Variants in RORA observed in about 807,000 individuals in gnomAD.
RORA encodes the protein RAR related orphan receptor A.
In RORA, 7 loss-of-function variants were observed where a neutral mutation model predicts 69.5. The ratio of observed to expected loss-of-function variants is 0.10; its 90% CI spans 0.06 to 0.19. The LOEUF (loss-of-function observed/expected upper bound fraction) is 0.19. Ranked by LOEUF, RORA falls within the 10% of genes least tolerant of loss-of-function variation. RORA has a pLI of 1.00. For synonymous variants in RORA, 261 were observed against 240.8 expected (o/e 1.08, Z -0.78); for missense variants, 457 against 663.0 (o/e 0.69, Z 3.41).
chr15:60,665,542 A>G (rs908121887), intron 2 of RORA, among the ~76,000 whole-genome samples: 5 of 152,238 alleles, frequency 3.3e-5, no homozygotes, highest in Non-Finnish European at 5.9e-5. Flanking sequence ...TAAAGCTATC[A>G]GCCCTAAAAT....
intron 3 of RORA, among the ~76,000 whole-genome samples, chr15:60,521,013 AAAAC>A (rs1204792554): frequency 6.6e-6 from 1 of 152,156 alleles, no homozygotes; most frequent in African/African-American, 2.4e-5. Flanking sequence ...AAATTAGAAT[AAAAC>A]AAACAGGCCT....
intron 1 of RORA, among the ~76,000 whole-genome samples, chr15:60,687,954 AC>A (rs2070771600): frequency 1.3e-5 from 2 of 152,186 alleles, no homozygotes; most frequent in Admixed American, 6.5e-5. Context: ...TTTCCTCATC[AC>A]TAAAAGGAGA....
At chr15:60,497,663 T>G (rs1437050443) in intron 10 of RORA, 44 bp from the exon 11 acceptor site, 4 of 1,512,230 alleles carry the variant, frequency 2.6e-6, no homozygotes. Flanking sequence ...AGAACAGGCA[T>G]AAGCATCAAA....
intron 1 of RORA, among the ~76,000 whole-genome samples, chr15:60,717,353 G>C (rs908455696): frequency 6.6e-6 from 1 of 152,192 alleles, no homozygotes; most frequent in Non-Finnish European, 1.5e-5. Context: ...ACCCAGAACA[G>C]TGCCTTGTAC....
chr15:60,870,415 AC>A (rs1382491047), intron 1 of RORA, among the ~76,000 whole-genome samples: 1 of 152,212 alleles, frequency 6.6e-6, no homozygotes, highest in Non-Finnish European at 1.5e-5. Context: ...ACAGGTATCT[AC>A]CAGGTTGTAC....
At chr15:60,830,004 GAACA>G (rs1406381341) in intron 1 of RORA, among the ~76,000 whole-genome samples, 7 of 152,104 alleles carry the variant, frequency 4.6e-5, no homozygotes, top group Non-Finnish European at 8.8e-5. Flanking sequence ...ACAAATAAAT[GAACA>G]AACAACTTTA....
rs544519776 is a variant in RORA, at chr15:60,634,565, C to T, written c.196+44092G>A. ...GACTACAGGCGCCCGCCACCACGCCCGGCTAATTTTTGTGTTTTTAGTAGA... is the reference window on the plus strand; with the variant it reads ...GACTACAGGCGCCCGCCACCACGCCTGGCTAATTTTTGTGTTTTTAGTAGA... On this transcript the variant is annotated intron_variant, in intron 2 of 10. Coordinates refer to ENST00000335670, the MANE Select transcript of RORA (RefSeq NM_134261.3). Among the ~76,000 whole-genome samples the T allele has an allele frequency of 2.2e-4, 33 of 150,480 alleles. No individual in the cohort carries two copies. In the South Asian group the frequency reaches 2.5e-3, roughly 12 times the overall value.
rs1400017140 is a variant in RORA at position 60,823,048 on chromosome 15, CT to C, written c.167-144363del. ...TCCTTCCTTCCTTCCCTCTCTTTCT[CT>C]CTCCCTCCCCTCCCCTCCCTCCCTT... On this transcript the variant is annotated intron_variant, in intron 1 of 10. Coordinates refer to ENST00000335670, the MANE Select transcript of RORA (RefSeq NM_134261.3). Among the ~76,000 whole-genome samples, 3 of 145,418 alleles carry C rather than the reference CT, an allele frequency of 2.1e-5. No individual in the cohort carries two copies. The East Asian group carries it at 6.2e-4, about 30-fold the overall frequency.
chr15:60,698,065 T>C lies in RORA; in HGVS notation c.167-19379A>G, dbSNP rs113343785. ...GCTGGAAAAAACACTTCCGTGTCTG[T>C]AGTCGTGAAGTGATTCTGTATTTTA... On this transcript the variant is annotated intron_variant, in intron 1 of 10. Coordinates refer to ENST00000335670, the MANE Select transcript of RORA (RefSeq NM_134261.3). Among the ~76,000 whole-genome samples, 622 of 152,354 alleles carry C rather than the reference T, an allele frequency of 4.1e-3. 4 individuals are homozygous for C. Among genetic ancestry groups the C allele is most frequent in the African/African-American group, 0.014 (592 of 41,576 alleles).
intron 2 of RORA, among the ~76,000 whole-genome samples, chr15:60,589,581 A>G (rs1164000257): frequency 6.6e-6 from 1 of 152,344 alleles, no homozygotes; most frequent in East Asian, 1.9e-4. Context: ...TTTGCCCAAG[A>G]AGCAATCCAA....
intron 2 of RORA, among the ~76,000 whole-genome samples, chr15:60,579,635 T>C (rs2068133415): frequency 6.6e-6 from 1 of 152,208 alleles, no homozygotes; most frequent in African/African-American, 2.4e-5. Context: ...TATGACATGC[T>C]CAGTGCCCCC....
At chr15:61,190,121 C>T (rs1452413694) in intron 1 of RORA, among the ~76,000 whole-genome samples, 2 of 151,914 alleles carry the variant, frequency 1.3e-5, no homozygotes, top group Non-Finnish European at 2.9e-5. Context: ...CCTGGTGAGG[C>T]TAATTCTCAT....
intron 2 of RORA, among the ~76,000 whole-genome samples, chr15:60,581,252 G>A (rs2068184452): frequency 6.6e-6 from 1 of 152,200 alleles, no homozygotes; most frequent in Non-Finnish European, 1.5e-5. Context: ...AACAGCAGCA[G>A]GGGGCTTAGA....
chr15:61,021,905 T>A (rs1393694029), intron 1 of RORA, among the ~76,000 whole-genome samples: 2 of 152,162 alleles, frequency 1.3e-5, no homozygotes, highest in Admixed American at 1.3e-4. Context: ...GCACTGGGAT[T>A]TTGAGGGCGG....
At chr15:60,606,044 C>T (rs548586320) in intron 2 of RORA, among the ~76,000 whole-genome samples, 3 of 152,272 alleles carry the variant, frequency 2.0e-5, no homozygotes, top group East Asian at 1.9e-4. Flanking sequence ...TCCCAGAACA[C>T]GAAATATTTG....
chr15:60,520,721 A>T (rs2066135698), intron 3 of RORA, among the ~76,000 whole-genome samples: 1 of 152,102 alleles, frequency 6.6e-6, no homozygotes, highest in African/African-American at 2.4e-5. Flanking sequence ...GGAACTGAGG[A>T]GGCGTAAAAA....
At chr15:61,137,824 A>G (rs2079259708) in intron 1 of RORA, among the ~76,000 whole-genome samples, 1 of 152,222 alleles carries the variant, frequency 6.6e-6, no homozygotes, top group East Asian at 1.9e-4. Context: ...ACAGGTTACC[A>G]ATTCTGACAT....
chr15:60,773,956 ACTT>A (rs1229080559), intron 1 of RORA, among the ~76,000 whole-genome samples: 1 of 152,234 alleles, frequency 6.6e-6, no homozygotes, highest in Non-Finnish European at 1.5e-5. Flanking sequence ...TCACTGAAAT[ACTT>A]CTTTTCTCCC....
At chr15:60,819,769 A>ACACACGCG (rs1555455781) in intron 1 of RORA, among the ~76,000 whole-genome samples, 3 of 150,046 alleles carry the variant, frequency 2.0e-5, no homozygotes, top group Non-Finnish European at 4.5e-5. Flanking sequence ...ACACACACAC[A>ACACACGCG]CACACACACA....
Sources: gnomAD v4.1 joint callset for allele counts (sites outside exome capture counted in the v4.1 genomes callset) on GRCh38, gnomAD v4.1.1 for gene constraint, MANE v1.5 for transcripts, NCBI Gene and HGNC (gene_info 2026-07-23, HGNC 2026-07-21) for gene names.